Variants in GJB6 observed in about 807,000 individuals in gnomAD.
GJB6 encodes gap junction protein beta 6, also known as gap junction beta-6 protein.
Under a neutral mutation model 5.4 loss-of-function variants are expected in GJB6, and 5 were observed. That is an observed-to-expected ratio of 0.92 (90% CI 0.48 to 1.93). The LOEUF (loss-of-function observed/expected upper bound fraction) is 1.93. Among genes scored for constraint, GJB6 ranks in the 30% most tolerant of loss-of-function variants. GJB6 has a pLI of 0.01. For synonymous variants in GJB6, 136 were observed against 129.6 expected (o/e 1.05, Z -0.34); for missense variants, 298 against 326.9 (o/e 0.91, Z 0.68).
intron 4 of GJB6, among the ~76,000 whole-genome samples, chr13:20,228,608 C>T (rs1869787299): frequency 8.3e-6 from 1 of 121,082 alleles, no homozygotes; most frequent in Non-Finnish European, 1.9e-5. Context: ...CTCAGCCTCT[C>T]TGAGCAGCTG....
At chr13:20,228,557 C>T (rs929767803) in intron 4 of GJB6, among the ~76,000 whole-genome samples, 6 of 151,250 alleles carry the variant, frequency 4.0e-5, no homozygotes, top group South Asian at 2.1e-4. Context: ...GATCTCGGCT[C>T]ACTGCAAGCT....
At chr13:20,231,237 A>C (rs960649950) in intron 2 of GJB6, 145 bp downstream of exon 2, 3 of 152,260 alleles carry the variant, frequency 2.0e-5, no homozygotes, top group Non-Finnish European at 4.4e-5. Flanking sequence ...GGAAAAGAAC[A>C]ACCCGGCACG....
chr13:20,228,778 C>A (rs551843482), intron 4 of GJB6, among the ~76,000 whole-genome samples: 2 of 151,942 alleles, frequency 1.3e-5, no homozygotes, highest in East Asian at 1.9e-4. Context: ...GCCACCGCGC[C>A]CGGCCCATGC....
rs1212896364 is a variant in GJB6, at chr13:20,223,251, C to T, written c.230G>A (p.Trp77Ter). 1.2e-6 allele frequency: 2 copies of T among 1,611,276 alleles called. No individual in the cohort carries two copies. The highest frequency in any genetic ancestry group is 3.3e-5 in the Admixed American group (2 of 59,990). Residue 77 changes from tryptophan to a stop codon, truncating the protein, a stop_gained, in exon 5 of 5, where the codon TGG becomes TAG. Transcript: ENST00000647029. LOFTEE classifies it high-confidence loss of function. Reference protein sequence around the residue: ...HFFPVSHIRLWALQLIFVSTP... With the variant: ...HFFPVSHIRL ...GGAGACGAAGATCAGCTGGAGGGCC[C>T]ACAGCCGGATGTGGGACACCGGGAA...
rs113597537 is a variant in GJB6 at position 20,228,690 on chromosome 13, T to C, written c.-16+890A>G. On this transcript the variant is annotated intron_variant, in intron 4 of 4. Transcript: ENST00000647029. ...TAGTAGAGACGGGGTTTCACCGTGT[T>C]AGCCAGGATGGTCTCGATCTCCTGA... 1.0e-3 allele frequency among the ~76,000 whole-genome samples: 37 copies of C among 35,948 alleles called. No homozygotes were observed. In the East Asian group the frequency reaches 0.095, roughly 93 times the overall value. 23.6% of individuals were successfully genotyped at this position (35,948 alleles called of 152,430 possible). A position where few individuals can be genotyped will look rare whatever the true frequency, so the allele number is the denominator to read the frequency against.
At chr13:20,228,711 C>T (rs530515835) in intron 4 of GJB6, among the ~76,000 whole-genome samples, 8 of 150,984 alleles carry the variant, frequency 5.3e-5, no homozygotes, top group African/African-American at 1.7e-4. Context: ...GTCTCGATCT[C>T]CTGACCTCAT....
In GJB6 at chr13:20,223,106, C is replaced by T; in HGVS notation, c.375G>A (p.Lys125=). 4 of 1,613,960 alleles carry T rather than the reference C, an allele frequency of 2.5e-6. No individual in the cohort carries two copies. Among genetic ancestry groups the T allele is most frequent in the Non-Finnish European group, 3.4e-6 (4 of 1,179,842 alleles). The change falls in exon 5 of 5, where the codon AAG becomes AAA. Residue 125 remains lysine (K), a synonymous_variant. Transcript: ENST00000647029. ...ACCACAGCGACCCCTCTATCCGAAC[C>T]TTCTGCTTTTTAATGTCCTCTATGT... ...FKDIEDIKKQ[K]VRIEGSLWWT... is the part of the protein sequence containing the mutation.
rs1248176929 is a variant in GJB6 at position 20,228,635 on chromosome 13, C to CAT, written c.-16+944_-16+945insAT. On this transcript the variant is annotated intron_variant, in intron 4 of 4. Transcript: ENST00000647029. Reference sequence around the variant, plus strand: ...GAGCAGCTGGGACTACAGGCGCCTGCCACCAAGCCCGGCTAATTTTTTGTA... The same window carrying CAT: ...GAGCAGCTGGGACTACAGGCGCCTGCATCACCAAGCCCGGCTAATTTTTTGTA... Among the ~76,000 whole-genome samples, 519 of 151,220 alleles carry CAT rather than the reference C, an allele frequency of 3.4e-3. 8 individuals carry two copies. The highest frequency in any genetic ancestry group is 0.011 in the African/African-American group (439 of 41,202).
At chr13:20,232,061 G>C (rs1870120659) in intron 1 of GJB6, 133 bp downstream of exon 1, 1 of 152,276 alleles carries the variant, frequency 6.6e-6, no homozygotes, top group East Asian at 1.9e-4. Flanking sequence ...AGACAGGAGC[G>C]ACAGGGGCGA....
intron 4 of GJB6, among the ~76,000 whole-genome samples, chr13:20,226,390 G>C (rs1471722193): frequency 6.6e-6 from 1 of 152,084 alleles, no homozygotes; most frequent in Non-Finnish European, 1.5e-5. Context: ...GTCTGCTGGG[G>C]TAATGCACAG....
chr13:20,228,038 A>G (rs1199963493), intron 4 of GJB6, among the ~76,000 whole-genome samples: 2 of 152,154 alleles, frequency 1.3e-5, no homozygotes, highest in Non-Finnish European at 2.9e-5. Flanking sequence ...CCTTGTAAAA[A>G]CACATAACCA....
rs1223817885 is a variant in GJB6, at chr13:20,223,256, C to T, written c.225G>A (p.Arg75=). The change falls in exon 5 of 5, where the codon CGG becomes CGA. Residue 75 remains arginine, a synonymous_variant. Coordinates refer to ENST00000647029, the MANE Select transcript of GJB6 (RefSeq NM_001110219.3). ...YDHFFPVSHI[R]LWALQLIFVS... ...CGAAGATCAGCTGGAGGGCCCACAG[C>T]CGGATGTGGGACACCGGGAAAAAGT... The T allele has an allele frequency of 1.2e-6, 2 of 1,611,500 alleles. No individual in the cohort carries two copies. Among genetic ancestry groups the T allele is most frequent in the South Asian group, 2.2e-5 (2 of 91,004 alleles).
intron 2 of GJB6, chr13:20,231,013 C>T (rs1412113496): frequency 6.6e-6 from 1 of 152,266 alleles, no homozygotes; most frequent in African/African-American, 2.4e-5. Context: ...CTCTTCAGAA[C>T]CCCCCTCTCC....
chr13:20,227,082 A>G (rs1869636857), intron 4 of GJB6, among the ~76,000 whole-genome samples: 1 of 152,126 alleles, frequency 6.6e-6, no homozygotes, highest in Non-Finnish European at 1.5e-5. Flanking sequence ...ACACTGGTCC[A>G]CGCTTTCTAG....
chr13:20,224,622 A>G (rs191549726), intron 4 of GJB6, among the ~76,000 whole-genome samples: 1 of 152,318 alleles, frequency 6.6e-6, no homozygotes, highest in East Asian at 1.9e-4. Context: ...CTTTACAGCT[A>G]TGGACACTTT....
At chr13:20,231,210 C>T (rs1870059949) in intron 2 of GJB6, 172 bp downstream of exon 2, 1 of 152,260 alleles carries the variant, frequency 6.6e-6, no homozygotes, top group Admixed American at 6.5e-5. Context: ...AGCTGTATGG[C>T]ATAAAGTCTA....
chr13:20,226,349 C>T (rs1179308516), intron 4 of GJB6, among the ~76,000 whole-genome samples: 1 of 151,826 alleles, frequency 6.6e-6, no homozygotes, highest in African/African-American at 2.4e-5. Flanking sequence ...TTTCTCATCC[C>T]TTGAAGCATT....
Position 20,227,132 on chromosome 13 carries a change from T to TG in GJB6, c.-16+2447dup, listed in dbSNP as rs201456892. Among the ~76,000 whole-genome samples, 87 of 152,158 alleles carry TG rather than the reference T, an allele frequency of 5.7e-4. 1 individual carries two copies. Among genetic ancestry groups the TG allele is most frequent in the Admixed American group, 4.9e-3 (75 of 15,294 alleles). ...ACCTCTGCAGCTTTGGGCTTCTCCC[T>TG]GTTTTTTTTTTCTAAAAACAGGGAC... On this transcript the variant is annotated intron_variant, in intron 4 of 4. Coordinates refer to ENST00000647029, the MANE Select transcript of GJB6 (RefSeq NM_001110219.3).
rs1015774269 is a variant in GJB6, at chr13:20,221,976, A to G, written c.*719T>C. The G allele has an allele frequency of 6.6e-6, 1 of 152,416 alleles. No homozygotes were observed. Among genetic ancestry groups the G allele is most frequent in the Non-Finnish European group, 1.5e-5 (1 of 68,082 alleles). 9.4% of individuals were successfully genotyped at this position (152,416 alleles called of 1,614,324 possible). A position where few individuals can be genotyped will look rare whatever the true frequency, so the allele number is the denominator to read the frequency against. On this transcript the variant is annotated 3_prime_UTR_variant, in exon 5 of 5. Coordinates refer to ENST00000647029, the MANE Select transcript of GJB6 (RefSeq NM_001110219.3). ...CACAAGGCATGTGAAGGCTTAAGCAATGGGGACGAGCTTTATTGAGGCAAT... is the reference window on the plus strand; with the variant it reads ...CACAAGGCATGTGAAGGCTTAAGCAGTGGGGACGAGCTTTATTGAGGCAAT...
Sources: allele counts gnomAD v4.1 joint callset (sites outside exome capture counted in the v4.1 genomes callset), GRCh38; gene constraint gnomAD v4.1.1; transcripts MANE v1.5; gene names NCBI Gene and HGNC (gene_info 2026-07-23, HGNC 2026-07-21).